GPC5: variants seen among roughly 807,000 people sequenced by gnomAD.
GPC5 encodes glypican-5.
Under a neutral mutation model 53.9 loss-of-function variants are expected in GPC5, and 47 were observed. The ratio of observed to expected loss-of-function variants is 0.87; its 90% CI spans 0.69 to 1.11. The LOEUF (loss-of-function observed/expected upper bound fraction) is 1.11. Among genes scored for constraint, GPC5 ranks in the 50% most tolerant of loss-of-function variants. The pLI, the probability that GPC5 is intolerant of heterozygous loss-of-function variation, is 0.00. For synonymous variants in GPC5, 286 were observed against 263.3 expected, an observed-to-expected ratio of 1.09 and a Z score of -0.84; for missense variants, 748 against 713.1, an observed-to-expected ratio of 1.05 and a Z score of -0.56.
chr13:91,672,862 G>C (rs2035282814), intron 2 of GPC5, among the ~76,000 whole-genome samples: 1 of 152,164 alleles, frequency 6.6e-6, no homozygotes, highest in Admixed American at 6.5e-5. Context: ...CACGGATAAG[G>C]CAAGTGTGGT....
chr13:91,598,771 T>C (rs2033081157), intron 2 of GPC5, among the ~76,000 whole-genome samples: 1 of 152,078 alleles, frequency 6.6e-6, no homozygotes, highest in Non-Finnish European at 1.5e-5. Context: ...TGAAAAGGGA[T>C]AGAAATAGTG....
intron 5 of GPC5, among the ~76,000 whole-genome samples, chr13:91,799,604 A>G (rs1348948583): frequency 6.6e-6 from 1 of 152,122 alleles, no homozygotes; most frequent in Non-Finnish European, 1.5e-5. Context: ...AGCAGGATCT[A>G]TAATAATTAA....
chr13:92,678,993 T>C (rs1035857075), intron 7 of GPC5, among the ~76,000 whole-genome samples: 2 of 152,084 alleles, frequency 1.3e-5, no homozygotes, highest in Admixed American at 1.3e-4. Context: ...ATGATTAATA[T>C]AATGGAAAAG....
intron 1 of GPC5, among the ~76,000 whole-genome samples, chr13:91,430,019 T>C (rs1206694715): frequency 6.6e-6 from 1 of 152,200 alleles, no homozygotes; most frequent in East Asian, 1.9e-4. Context: ...ACTATGTTTT[T>C]AGGGAACAGG....
chr13:91,913,396 CAA>C (rs112059435), intron 6 of GPC5, among the ~76,000 whole-genome samples: 24 of 100,932 alleles, frequency 2.4e-4, no homozygotes, highest in East Asian at 3.0e-4. Flanking sequence ...AAGACTCTGT[CAA>C]AAAAAAAAAA....
At chr13:92,274,702 C>T (rs974738509) in intron 7 of GPC5, among the ~76,000 whole-genome samples, 3 of 152,118 alleles carry the variant, frequency 2.0e-5, no homozygotes, top group Admixed American at 6.6e-5. Context: ...GTCAATAGCA[C>T]GTGACCCTCT....
intron 2 of GPC5, among the ~76,000 whole-genome samples, chr13:91,581,914 G>GC (rs1389449241): frequency 1.3e-5 from 2 of 152,082 alleles, no homozygotes; most frequent in African/African-American, 4.8e-5. Context: ...ACAAACATTT[G>GC]CTTGAAGATA....
In GPC5 at chr13:91,564,929, T is replaced by G. The variant is rs567590144; in HGVS notation, c.325+116007T>G. 2.0e-5 allele frequency among the ~76,000 whole-genome samples: 3 copies of G among 151,802 alleles called. No individual in the cohort carries two copies. The East Asian group carries it at 5.8e-4, about 29-fold the overall frequency. ...TAATTCAAGGTCATAAACTAATGGC[T>G]GACTTTTCTAGGTCATGGTTAGTTA... is the stretch of plus-strand genomic sequence containing the variant. On this transcript the variant is annotated intron_variant, in intron 2 of 7. Transcript: ENST00000377067.
At chr13:92,442,010 A>T (rs1479511881) in intron 7 of GPC5, among the ~76,000 whole-genome samples, 1 of 152,192 alleles carries the variant, frequency 6.6e-6, no homozygotes, top group African/African-American at 2.4e-5. Flanking sequence ...ATTATTTAAG[A>T]GGCAAAAAAC....
intron 7 of GPC5, among the ~76,000 whole-genome samples, chr13:92,294,839 T>TTTTTTTTTTTTTTTTTTG (rs2043023308): frequency 6.8e-6 from 1 of 146,656 alleles, no homozygotes; most frequent in Admixed American, 6.8e-5. Context: ...TTTTTTTTTT[T>TTTTTTTTTTTTTTTTTTG]TTTTTCCGAG....
At chr13:91,979,613 C>G (rs1183824374) in intron 6 of GPC5, among the ~76,000 whole-genome samples, 3 of 152,294 alleles carry the variant, frequency 2.0e-5, no homozygotes, top group Admixed American at 6.5e-5. Flanking sequence ...TCCCCAAACT[C>G]TATAATAAGT....
At chr13:91,686,703 T>C (rs1479883617) in intron 2 of GPC5, among the ~76,000 whole-genome samples, 1 of 152,018 alleles carries the variant, frequency 6.6e-6, no homozygotes, top group Non-Finnish European at 1.5e-5. Flanking sequence ...AAATTCATTG[T>C]AACGTGTGTG....
chr13:91,603,191 T>C (rs2033236546), intron 2 of GPC5, among the ~76,000 whole-genome samples: 1 of 152,222 alleles, frequency 6.6e-6, no homozygotes, highest in South Asian at 2.1e-4. Flanking sequence ...AAGATCCCTC[T>C]TGTTTGAACC....
At chr13:91,965,604 A>G (rs890997879) in intron 6 of GPC5, among the ~76,000 whole-genome samples, 2 of 152,190 alleles carry the variant, frequency 1.3e-5, no homozygotes, top group Admixed American at 1.3e-4. Flanking sequence ...GCCAAAGTAA[A>G]TGAATGAGAG....
rs574647764 is a variant in GPC5 at position 92,049,112 on chromosome 13, A to G, written c.1402-95718A>G. ...TGAGTCACAGAAAAGTCACGGAGGGATAGCTTATTAATAATCAATGACTTC... is the reference window on the plus strand; with the variant it reads ...TGAGTCACAGAAAAGTCACGGAGGGGTAGCTTATTAATAATCAATGACTTC... On this transcript the variant is annotated intron_variant, in intron 6 of 7. Coordinates refer to ENST00000377067, the MANE Select transcript of GPC5 (RefSeq NM_004466.6). 2.0e-5 allele frequency among the ~76,000 whole-genome samples: 3 copies of G among 152,294 alleles called. No homozygotes were observed. In the South Asian group the frequency reaches 6.2e-4, roughly 32 times the overall value.
intron 7 of GPC5, among the ~76,000 whole-genome samples, chr13:92,148,473 A>G (rs1031081724): frequency 1.3e-5 from 2 of 152,138 alleles, no homozygotes; most frequent in Non-Finnish European, 2.9e-5. Flanking sequence ...CCACCTATAC[A>G]TTATAATTAA....
At chr13:92,512,075 T>A (rs1453528106) in intron 7 of GPC5, among the ~76,000 whole-genome samples, 1 of 152,100 alleles carries the variant, frequency 6.6e-6, no homozygotes, top group Non-Finnish European at 1.5e-5. Context: ...TAAGACCAAG[T>A]TTATCCTGTT....
At chr13:92,655,142 A>G (rs1380743011) in intron 7 of GPC5, among the ~76,000 whole-genome samples, 1 of 152,162 alleles carries the variant, frequency 6.6e-6, no homozygotes, top group Non-Finnish European at 1.5e-5. Context: ...CCAGAACACA[A>G]GAGAATAAAT....
At chr13:92,401,923 C>T (rs1267603113) in intron 7 of GPC5, among the ~76,000 whole-genome samples, 2 of 152,096 alleles carry the variant, frequency 1.3e-5, no homozygotes, top group African/African-American at 2.4e-5. Context: ...GCTTAGTTTA[C>T]AATGGCAAGC....
Sources: allele counts gnomAD v4.1 joint callset (sites outside exome capture counted in the v4.1 genomes callset), GRCh38; gene constraint gnomAD v4.1.1; transcripts MANE v1.5; gene names NCBI Gene and HGNC (gene_info 2026-07-23, HGNC 2026-07-21).